The following CSRNP3 variants were observed in gnomAD, a reference collection of about 807,000 sequenced individuals.
The protein encoded by CSRNP3 is cysteine and serine rich nuclear protein 3.
In CSRNP3, 12 loss-of-function variants were observed where a neutral mutation model predicts 48.0. The ratio of observed to expected loss-of-function variants is 0.25; its 90% CI spans 0.16 to 0.41. CSRNP3 has a LOEUF of 0.41. Ranked by LOEUF, CSRNP3 falls within the 10% of genes least tolerant of loss-of-function variation. CSRNP3 has a pLI of 1.00. For missense variants in CSRNP3, 580 were observed against 724.4 expected (o/e 0.80, Z 2.29); for synonymous variants, 263 against 269.7 (o/e 0.98, Z 0.24).
intron 3 of CSRNP3, among the ~76,000 whole-genome samples, chr2:165,537,801 AG>A (rs1365043537): frequency 2.0e-5 from 3 of 151,528 alleles, no homozygotes; most frequent in African/African-American, 4.8e-5. Flanking sequence ...TTGATCTTAG[AG>A]TTTCTTTTCC....
intron 1 of CSRNP3, among the ~76,000 whole-genome samples, chr2:165,477,330 A>C (rs1373145716): frequency 1.3e-5 from 2 of 151,430 alleles, no homozygotes; most frequent in Non-Finnish European, 2.9e-5. Context: ...AATATTAAGA[A>C]ATTGTAGGCC....
intron 3 of CSRNP3, among the ~76,000 whole-genome samples, chr2:165,532,741 A>G (rs1574825161): frequency 1.3e-5 from 2 of 152,286 alleles, no homozygotes; most frequent in South Asian, 4.1e-4. Flanking sequence ...AATAAAGGAT[A>G]TTCAATTAGG....
At chr2:165,472,613 A>G (rs913768807) in intron 1 of CSRNP3, among the ~76,000 whole-genome samples, 3 of 151,910 alleles carry the variant, frequency 2.0e-5, no homozygotes, top group African/African-American at 7.2e-5. Flanking sequence ...TTTTTTTCAA[A>G]TCTCTCAGCT....
At chr2:165,580,316 C>T (rs1685523404) in intron 3 of CSRNP3, among the ~76,000 whole-genome samples, 1 of 152,120 alleles carries the variant, frequency 6.6e-6, no homozygotes, top group Non-Finnish European at 1.5e-5. Flanking sequence ...TTTACTGAGA[C>T]TTGAAAGTCC....
intron 5 of CSRNP3, among the ~76,000 whole-genome samples, chr2:165,675,498 A>C (rs1385068596): frequency 1.3e-5 from 2 of 152,220 alleles, no homozygotes; most frequent in African/African-American, 2.4e-5. Context: ...GTACTTATTC[A>C]GGGCTTACTG....
In CSRNP3 at chr2:165,688,240, A is replaced by T. The variant is rs1025956224; in HGVS notation, c.*8487A>T. The T allele has an allele frequency of 6.6e-6, 1 of 152,124 alleles. No homozygotes were observed. The highest frequency in any genetic ancestry group is 1.5e-5 in the Non-Finnish European group (1 of 68,008). The allele number at this position is 152,124 out of a possible 1,614,324, so 9.4% of individuals were successfully genotyped here. The stretch of plus-strand genomic sequence containing the variant: ...TACAGAAATAGTAAAAAAATAAAAT[A>T]AAAATAAACCTGTAGATTACAGCTC... On this transcript the variant is annotated 3_prime_UTR_variant, in exon 7 of 7. Coordinates refer to ENST00000651982, the MANE Select transcript of CSRNP3 (RefSeq NM_001172173.2).
chr2:165,664,871 T>G (rs1687153536), intron 5 of CSRNP3, among the ~76,000 whole-genome samples: 1 of 152,074 alleles, frequency 6.6e-6, no homozygotes, highest in Admixed American at 6.6e-5. Flanking sequence ...TAAGCTAAAC[T>G]AAACAAAAAA....
intron 4 of CSRNP3, among the ~76,000 whole-genome samples, chr2:165,639,482 C>T (rs1411802285): frequency 1.3e-5 from 2 of 152,188 alleles, no homozygotes; most frequent in African/African-American, 4.8e-5. Context: ...TGGTTATATA[C>T]ACGGCTGAGT....
intron 2 of CSRNP3, among the ~76,000 whole-genome samples, chr2:165,496,059 C>T (rs1037070796): frequency 6.6e-6 from 1 of 151,932 alleles, no homozygotes; most frequent in Non-Finnish European, 1.5e-5. Context: ...TATTTTTAAT[C>T]CTCCTCCCTC....
At chr2:165,652,902 T>C (rs539543289) in intron 4 of CSRNP3, among the ~76,000 whole-genome samples, 1 of 152,288 alleles carries the variant, frequency 6.6e-6, no homozygotes, top group African/African-American at 2.4e-5. Flanking sequence ...TCCCTCCTTT[T>C]CTTGCTCTTG....
At chr2:165,653,065 C>G (rs1329040384) in intron 4 of CSRNP3, among the ~76,000 whole-genome samples, 1 of 152,140 alleles carries the variant, frequency 6.6e-6, no homozygotes, top group Non-Finnish European at 1.5e-5. Flanking sequence ...CTGCTTCTCC[C>G]AGGCTCAAAG....
chr2:165,653,416 C>T (rs1238955923), intron 4 of CSRNP3, among the ~76,000 whole-genome samples: 1 of 152,184 alleles, frequency 6.6e-6, no homozygotes, highest in Non-Finnish European at 1.5e-5. Context: ...TTCCTTTTGA[C>T]AGTGTCAGCT....
intron 3 of CSRNP3, among the ~76,000 whole-genome samples, chr2:165,580,842 C>CT (rs1485549658): frequency 2.0e-5 from 3 of 148,032 alleles, no homozygotes; most frequent in Non-Finnish European, 4.5e-5. Flanking sequence ...ATTTTTAATT[C>CT]TTTTAGATCC....
intron 2 of CSRNP3, among the ~76,000 whole-genome samples, chr2:165,508,707 T>G (rs1359868946): frequency 6.6e-6 from 1 of 152,192 alleles, no homozygotes. Flanking sequence ...TATACATTTT[T>G]CTTCATCTTG....
intron 3 of CSRNP3, among the ~76,000 whole-genome samples, chr2:165,522,108 T>C (rs1308442188): frequency 1.3e-5 from 2 of 151,964 alleles, no homozygotes; most frequent in Non-Finnish European, 2.9e-5. Flanking sequence ...CTGGGCAACA[T>C]GGCAAAGCCC....
At chr2:165,536,488 C>T (rs1311131133) in intron 3 of CSRNP3, among the ~76,000 whole-genome samples, 13 of 151,836 alleles carry the variant, frequency 8.6e-5, no homozygotes, top group Admixed American at 8.6e-4. Flanking sequence ...ACATAAAAAC[C>T]ACACCTTACT....
intron 1 of CSRNP3, among the ~76,000 whole-genome samples, chr2:165,490,471 A>G (rs1684188550): frequency 7.8e-6 from 1 of 128,870 alleles, no homozygotes; most frequent in African/African-American, 3.1e-5. Flanking sequence ...ATGGAACCAA[A>G]AAAGAGCCCG....
chr2:165,572,923 C>A (rs1209292819), intron 3 of CSRNP3, among the ~76,000 whole-genome samples: 1 of 151,978 alleles, frequency 6.6e-6, no homozygotes, highest in African/African-American at 2.4e-5. Context: ...ACATAAAAAG[C>A]TTCAAAATTA....
At chr2:165,513,238 A>G (rs1044677875) in intron 2 of CSRNP3, among the ~76,000 whole-genome samples, 9 of 152,232 alleles carry the variant, frequency 5.9e-5, no homozygotes, top group African/African-American at 2.2e-4. Context: ...TTGCAGGCAT[A>G]TTAATTATGC....
Sources: allele counts gnomAD v4.1 joint callset (sites outside exome capture counted in the v4.1 genomes callset), GRCh38; gene constraint gnomAD v4.1.1; transcripts MANE v1.5; gene names NCBI Gene and HGNC (gene_info 2026-07-23, HGNC 2026-07-21).